RGPD3: variants seen among roughly 807,000 people sequenced by gnomAD.
The protein encoded by RGPD3 is ranBP2-like and GRIP domain-containing protein 3.
Under a neutral mutation model 154.5 loss-of-function variants are expected in RGPD3, and 62 were observed. That is an observed-to-expected ratio of 0.40 (90% CI 0.33 to 0.50). The LOEUF is 0.50. RGPD3 is among the 20% of genes least tolerant of loss of function. The pLI, the probability that RGPD3 is intolerant of heterozygous loss-of-function variation, is 0.59. For synonymous variants in RGPD3, 308 were observed against 607.0 expected, an observed-to-expected ratio of 0.51 and a Z score of 7.24; for missense variants, 919 against 1,716.8, an observed-to-expected ratio of 0.54 and a Z score of 8.21.
chr2:106,437,244 AGT>A (rs1431364743), intron 9 of RGPD3, among the ~76,000 whole-genome samples: 9 of 109,640 alleles, frequency 8.2e-5, no homozygotes, highest in Admixed American at 3.0e-4. Context: ...CCATCAGTAC[AGT>A]AAAGAAATCT....
chr2:106,442,471 A>G (rs1677778229), intron 7 of RGPD3, among the ~76,000 whole-genome samples: 1 of 128,016 alleles, frequency 7.8e-6, no homozygotes, highest in Non-Finnish European at 1.7e-5. Flanking sequence ...CCAGGAAATT[A>G]AAGAGATCCT....
At chr2:106,405,563 G>A (rs887166809) in intron 22 of RGPD3, among the ~76,000 whole-genome samples, 6 of 151,874 alleles carry the variant, frequency 4.0e-5, no homozygotes, top group Admixed American at 2.6e-4. Context: ...TTTTGGTAGA[G>A]ATGCAGGTCT....
chr2:106,405,384 T>C lies in RGPD3; in HGVS notation c.5267-155A>G, dbSNP rs537975091. On this transcript the variant is annotated intron_variant, in intron 22 of 22. Coordinates refer to ENST00000409886, the MANE Select transcript of RGPD3 (RefSeq NM_001144013.2). The stretch of plus-strand genomic sequence containing the variant: ...TTGGGTGGGGGGGGTTCTTTTTTTT[T>C]TTTTTTTTTGAGACAGGGTCTTGCT... Among the ~76,000 whole-genome samples, 9 of 146,900 alleles carry C rather than the reference T, an allele frequency of 6.1e-5. No homozygotes were observed. The South Asian group carries it at 1.9e-3, about 31-fold the overall frequency.
intron 1 of RGPD3, among the ~76,000 whole-genome samples, chr2:106,466,432 C>T (rs1214790301): frequency 1.6e-5 from 2 of 128,298 alleles, no homozygotes. Context: ...GGAGCCATGA[C>T]GCCTGAGCCA....
At chr2:106,437,402 C>T (rs978555420) in intron 9 of RGPD3, among the ~76,000 whole-genome samples, 3 of 144,666 alleles carry the variant, frequency 2.1e-5, no homozygotes, top group African/African-American at 7.7e-5. Flanking sequence ...GTCCCAGCTA[C>T]ATGGGAGGCT....
chr2:106,403,973 A>G lies in RGPD3; in HGVS notation c.*1246T>C, dbSNP rs574211537. Among the ~76,000 whole-genome samples the G allele has an allele frequency of 4.5e-4, 69 of 152,354 alleles. No homozygotes were observed. The highest frequency in any genetic ancestry group is 3.4e-3 in the Middle Eastern group (1 of 294). On this transcript the variant is annotated 3_prime_UTR_variant, in exon 23 of 23. Transcript: ENST00000409886. Reference sequence around the variant, plus strand: ...ATACATAAATATTAAAAATTATCCAATTTTTGATTTAAGAACAACACAGTT... The same window carrying G: ...ATACATAAATATTAAAAATTATCCAGTTTTTGATTTAAGAACAACACAGTT...
At position 106,426,097 on chromosome 2, in the gene RGPD3, A is replaced by G. The variant is rs748180123; in HGVS notation, c.2606-9T>C. 5.0e-6 allele frequency: 8 copies of G among 1,595,002 alleles called. No homozygotes were observed. The highest frequency in any genetic ancestry group is 6.8e-6 in the Non-Finnish European group (8 of 1,178,978). On this transcript the variant is annotated splice_polypyrimidine_tract_variant and intron_variant, in intron 18 of 22. Transcript: ENST00000409886. Reference sequence around the variant, plus strand: ...AGGGCCAGTAGTTGCAACTAAAAAAAAAAAAGAAAAGAAAGAAAACACTGT... The same window carrying G: ...AGGGCCAGTAGTTGCAACTAAAAAAGAAAAAGAAAAGAAAGAAAACACTGT...
At chr2:106,468,826 A>C (rs923570964), upstream of RGPD3, among the ~76,000 whole-genome samples, 8 of 149,534 alleles carry the variant, frequency 5.3e-5, no homozygotes, top group African/African-American at 2.0e-4. Flanking sequence ...AAAAAAAAAA[A>C]AAAAAAAAGA....
intron 1 of RGPD3, among the ~76,000 whole-genome samples, chr2:106,464,533 G>A (rs1229586373): frequency 6.6e-6 from 1 of 151,084 alleles, no homozygotes; most frequent in Non-Finnish European, 1.5e-5. Context: ...GATCATTTAT[G>A]CCCAAAAATT....
At chr2:106,412,637 C>G (rs1318127704) in intron 22 of RGPD3, 4 of 354,098 alleles carry the variant, frequency 1.1e-5, no homozygotes, top group African/African-American at 2.1e-5. Flanking sequence ...CTGCATTTGC[C>G]TAGAAAGTGG....
At chr2:106,467,792 C>T (rs1678678326) in intron 1 of RGPD3, among the ~76,000 whole-genome samples, 1 of 144,182 alleles carries the variant, frequency 6.9e-6, no homozygotes, top group Non-Finnish European at 1.5e-5. Flanking sequence ...AAGGCAGCCG[C>T]CGGGCCAGGT....
At chr2:106,418,547 T>C (rs1179984176) in intron 20 of RGPD3, among the ~76,000 whole-genome samples, 1 of 152,110 alleles carries the variant, frequency 6.6e-6, no homozygotes, top group Non-Finnish European at 1.5e-5. Context: ...AGCAAGACTT[T>C]GCTGTTTGCT....
Position 106,438,608 on chromosome 2 carries a change from C to T in RGPD3, c.1276+360G>A, listed in dbSNP as rs186934487. On this transcript the variant is annotated intron_variant, in intron 9 of 22. Transcript: ENST00000409886. Reference sequence around the variant, plus strand: ...ACCAGCCTGACCAACATGATGAAACCCTGTCTCTACTAAAACTACAAAAAA... The same window carrying T: ...ACCAGCCTGACCAACATGATGAAACTCTGTCTCTACTAAAACTACAAAAAA... Among the ~76,000 whole-genome samples the T allele has an allele frequency of 1.8e-4, 28 of 151,982 alleles. No homozygotes were observed. In the East Asian group the frequency reaches 5.3e-3, roughly 29 times the overall value.
intron 20 of RGPD3, among the ~76,000 whole-genome samples, chr2:106,418,611 G>A (rs1411763950): frequency 6.6e-6 from 1 of 151,602 alleles, no homozygotes. Flanking sequence ...CTGTCACACA[G>A]GTTGGAGTGC....
chr2:106,417,395 G>A (rs112610470), intron 20 of RGPD3, among the ~76,000 whole-genome samples: 1 of 144,970 alleles, frequency 6.9e-6, no homozygotes, highest in Non-Finnish European at 1.5e-5. Context: ...GCCCAAAAAA[G>A]CATATGTACC....
chr2:106,464,758 C>G (rs1678515796), intron 1 of RGPD3, among the ~76,000 whole-genome samples: 1 of 152,138 alleles, frequency 6.6e-6, no homozygotes, highest in African/African-American at 2.4e-5. Flanking sequence ...GAGTCTCGCT[C>G]TGTCACACAG....
chr2:106,440,049 T>A (rs1033625565), intron 8 of RGPD3, among the ~76,000 whole-genome samples: 1 of 77,026 alleles, frequency 1.3e-5, no homozygotes, highest in African/African-American at 4.9e-5. Flanking sequence ...ACATACTATA[T>A]GATTCCATTT....
chr2:106,425,118 T>C lies in RGPD3; in HGVS notation c.2849A>G (p.Gln950Arg). Residue 950 changes from glutamine to arginine, a missense_variant, in exon 20 of 23, where the codon CAG becomes CGG. Coordinates refer to ENST00000409886, the MANE Select transcript of RGPD3 (RefSeq NM_001144013.2). ...GCCCTTCTTCCGGCCACTAATATCC[T>C]GAGCCTGTAAGCCAGTATCATTTTC... ...PLENDTGLQA[Q>R]DISGRKKGRG... The C allele has an allele frequency of 6.2e-7, 1 of 1,612,034 alleles. No individual in the cohort carries two copies. Among genetic ancestry groups the C allele is most frequent in the African/African-American group, 1.3e-5 (1 of 74,984 alleles).
chr2:106,448,756 T>C (rs1678011238), intron 6 of RGPD3, among the ~76,000 whole-genome samples: 1 of 151,996 alleles, frequency 6.6e-6, no homozygotes, highest in Non-Finnish European at 1.5e-5. Flanking sequence ...AGTGACACAA[T>C]CTTGGCTTAC....
Sources: allele counts gnomAD v4.1 joint callset (sites outside exome capture counted in the v4.1 genomes callset), GRCh38; gene constraint gnomAD v4.1.1; transcripts MANE v1.5; gene names NCBI Gene and HGNC (gene_info 2026-07-23, HGNC 2026-07-21).